Variants in NNMT observed in about 807,000 individuals in gnomAD.
NNMT encodes the protein nicotinamide N-methyltransferase.
Under a neutral mutation model 11.7 loss-of-function variants are expected in NNMT, and 10 were observed. The observed-to-expected ratio is 0.85, with a 90% CI of 0.53 to 1.45. NNMT has a LOEUF of 1.45. Ranked by LOEUF, NNMT falls within the 40% of genes most tolerant of loss-of-function variation. The pLI, the probability that NNMT is intolerant of heterozygous loss-of-function variation, is 0.00. For synonymous variants in NNMT, 143 were observed against 133.8 expected (o/e 1.07, Z -0.48); for missense variants, 381 against 319.4 (o/e 1.19, Z -1.47).
intron 2 of NNMT, among the ~76,000 whole-genome samples, chr11:114,264,194 C>T (rs1383911883): frequency 6.6e-6 from 1 of 151,970 alleles, no homozygotes; most frequent in Admixed American, 6.6e-5. Context: ...GAACACCTCC[C>T]ATTTTAGCAA....
intron 2 of NNMT, among the ~76,000 whole-genome samples, chr11:114,284,970 G>A (rs553489104): frequency 6.6e-6 from 1 of 151,732 alleles, no homozygotes; most frequent in Non-Finnish European, 1.5e-5. Context: ...GTTTCATCAT[G>A]TTGGCGAGGC....
chr11:114,258,095 C>T (rs1220119559), intron 1 of NNMT, among the ~76,000 whole-genome samples: 16 of 152,204 alleles, frequency 1.1e-4, no homozygotes, highest in Admixed American at 1.0e-3. Flanking sequence ...CTGCCACTGC[C>T]CTCTGCCCCA....
At chr11:114,263,518 T>C (rs1337219839) in intron 2 of NNMT, among the ~76,000 whole-genome samples, 1 of 152,090 alleles carries the variant, frequency 6.6e-6, no homozygotes, top group Admixed American at 6.6e-5. Context: ...GGGTGCCCAT[T>C]ACAAAACTCT....
intron 2 of NNMT, among the ~76,000 whole-genome samples, chr11:114,299,418 T>G (rs1945416016): frequency 6.6e-6 from 1 of 152,242 alleles, no homozygotes; most frequent in Non-Finnish European, 1.5e-5. Flanking sequence ...TGGAAAATTT[T>G]GAATGTTACA....
chr11:114,276,223 G>A (rs1454100456), intron 2 of NNMT, among the ~76,000 whole-genome samples: 3 of 151,838 alleles, frequency 2.0e-5, no homozygotes, highest in African/African-American at 7.3e-5. Context: ...CTACATGGTG[G>A]GGGACAAGAG....
At chr11:114,291,711 A>T (rs1196479563), upstream of NNMT, among the ~76,000 whole-genome samples, 2 of 150,014 alleles carry the variant, frequency 1.3e-5, no homozygotes, top group East Asian at 3.9e-4. Flanking sequence ...GGTTCTGTGG[A>T]CTCGTCCTCT....
intron 2 of NNMT, among the ~76,000 whole-genome samples, chr11:114,309,774 C>G (rs979950394): frequency 6.6e-6 from 1 of 152,230 alleles, no homozygotes; most frequent in African/African-American, 2.4e-5. Context: ...TTAGCAGCCA[C>G]TCCCATTTCT....
At chr11:114,273,564 G>A (rs905680992) in intron 2 of NNMT, among the ~76,000 whole-genome samples, 1 of 152,202 alleles carries the variant, frequency 6.6e-6, no homozygotes, top group Non-Finnish European at 1.5e-5. Context: ...TTAAGGCCAG[G>A]TGCGGTGGCT....
At chr11:114,295,606 T>G (rs1351621305), upstream of NNMT, among the ~76,000 whole-genome samples, 1 of 151,638 alleles carries the variant, frequency 6.6e-6, no homozygotes, top group African/African-American at 2.4e-5. Flanking sequence ...TTGTATTTTT[T>G]TTTTAGTAGA....
chr11:114,296,849 G>C, intron 1 of NNMT, 139 bp downstream of exon 1: 2 of 809,550 alleles, frequency 2.5e-6, no homozygotes, highest in East Asian at 2.5e-5. Flanking sequence ...GGATAAAAAC[G>C]AATATTGGTA....
intron 2 of NNMT, among the ~76,000 whole-genome samples, chr11:114,286,653 A>T (rs1161672823): frequency 6.6e-6 from 1 of 152,086 alleles, no homozygotes. Flanking sequence ...TAATTGGTTC[A>T]TTTTCATTGC....
At chr11:114,281,119 C>G (rs1945259492) in intron 2 of NNMT, among the ~76,000 whole-genome samples, 1 of 152,176 alleles carries the variant, frequency 6.6e-6, no homozygotes, top group South Asian at 2.1e-4. Flanking sequence ...GAGGGGCACA[C>G]TAGCTGGCCT....
Position 114,268,194 on chromosome 11 carries a change from TG to T in NNMT, c.-130+5263del, listed in dbSNP as rs1254327068. Among the ~76,000 whole-genome samples, 29 of 152,190 alleles carry T rather than the reference TG, an allele frequency of 1.9e-4. 1 individual carries two copies. The highest frequency in any genetic ancestry group is 1.0e-3 in the South Asian group (5 of 4,828). ...ACATCGCTGACCTTTCTGAGACACC[TG>T]GGAGCTACAAGATCAACAGTGACCT... On this transcript the variant is annotated intron_variant, in intron 2 of 4. Transcript: ENST00000535401.
At chr11:114,260,854 T>A (rs1945073871) in intron 1 of NNMT, among the ~76,000 whole-genome samples, 1 of 152,170 alleles carries the variant, frequency 6.6e-6, no homozygotes, top group Non-Finnish European at 1.5e-5. Flanking sequence ...TGGGATTCAG[T>A]CGAGGGGACC....
At position 114,271,770 on chromosome 11, in the gene NNMT, G is replaced by A. The variant is rs538127671; in HGVS notation, c.-130+8836G>A. Among the ~76,000 whole-genome samples the A allele has an allele frequency of 3.3e-5, 5 of 152,320 alleles. No individual in the cohort carries two copies. The East Asian group carries it at 9.7e-4, about 29-fold the overall frequency. On this transcript the variant is annotated intron_variant, in intron 2 of 4. Transcript: ENST00000535401. ...AAAACACTAAAGACTAAAACCCAAT[G>A]AAGACATCTTCATCCTAGTATCTCA...
intron 2 of NNMT, among the ~76,000 whole-genome samples, chr11:114,277,318 T>C (rs777606260): frequency 1.7e-4 from 26 of 152,152 alleles, no homozygotes; most frequent in Non-Finnish European, 3.2e-4. Flanking sequence ...CCCAAAGATA[T>C]AATAGGAATG....
chr11:114,295,480 A>G (rs1421330052), upstream of NNMT, among the ~76,000 whole-genome samples: 1 of 129,278 alleles, frequency 7.7e-6, no homozygotes, highest in Non-Finnish European at 1.5e-5. Flanking sequence ...GCTGGAGTGC[A>G]GTGGCGCCAT....
intron 2 of NNMT, among the ~76,000 whole-genome samples, chr11:114,279,723 C>G (rs1257070265): frequency 6.6e-6 from 1 of 152,180 alleles, no homozygotes; most frequent in African/African-American, 2.4e-5. Context: ...CAGACTTCAC[C>G]AATAAGTATT....
chr11:114,272,601 A>G (rs1416838782), intron 2 of NNMT, among the ~76,000 whole-genome samples: 1 of 152,154 alleles, frequency 6.6e-6, no homozygotes, highest in Non-Finnish European at 1.5e-5. Context: ...AAAGTCTAAG[A>G]GTTGTATCTT....
Sources: allele counts gnomAD v4.1 joint callset (sites outside exome capture counted in the v4.1 genomes callset), GRCh38; gene constraint gnomAD v4.1.1; transcripts MANE v1.5; gene names NCBI Gene and HGNC (gene_info 2026-07-23, HGNC 2026-07-21).